The following ADGRD1 variants were observed in gnomAD, a reference collection of about 807,000 sequenced individuals.
ADGRD1 encodes the protein adhesion G protein-coupled receptor D1, also known as G-protein coupled receptor 133.
Under a neutral mutation model 113.4 loss-of-function variants are expected in ADGRD1, and 77 were observed. The ratio of observed to expected loss-of-function variants is 0.68; its 90% CI spans 0.57 to 0.82. ADGRD1 has a LOEUF of 0.82. ADGRD1 is among the 40% of genes least tolerant of loss of function. The probability of loss-of-function intolerance (pLI) is 0.00; values close to 1 mark genes in which losing one functional copy is unlikely to be tolerated. For missense variants in ADGRD1, 1,036 were observed against 1,139.1 expected (o/e 0.91, Z 1.30); for synonymous variants, 474 against 475.0 (o/e 1.00, Z 0.03).
At chr12:131,089,783 AAG>A (rs1396442811) in intron 15 of ADGRD1, among the ~76,000 whole-genome samples, 1 of 152,240 alleles carries the variant, frequency 6.6e-6, no homozygotes, top group Non-Finnish European at 1.5e-5. Context: ...CATCACAGAC[AAG>A]AGTCATAGGT....
At chr12:130,986,896 G>A in intron 5 of ADGRD1, 199 bp from the exon 6 acceptor site, 2 of 575,920 alleles carry the variant, frequency 3.5e-6, no homozygotes, top group East Asian at 5.6e-5. Flanking sequence ...AGGGCATAAG[G>A]ACAAAAAGAT....
At chr12:131,056,715 G>A (rs1883889844) in intron 13 of ADGRD1, among the ~76,000 whole-genome samples, 2 of 152,236 alleles carry the variant, frequency 1.3e-5, no homozygotes, top group South Asian at 4.1e-4. Flanking sequence ...CACCTTTGAT[G>A]TGGGTGGACC....
chr12:130,996,708 T>G, intron 8 of ADGRD1, among the ~76,000 whole-genome samples: 1 of 74,334 alleles, frequency 1.3e-5, no homozygotes, highest in African/African-American at 5.4e-5. Flanking sequence ...GGCGGGGGGC[T>G]GACCCCCCCA....
In ADGRD1 at chr12:131,003,897, A is replaced by G. The variant is rs909452341; in HGVS notation, c.1145-289A>G. Reference sequence around the variant, plus strand: ...ATCGCTGAGCACAGCCCATCCTTGCACCGGCCTTGAGAGCTGGGGGCTGTG... The same window carrying G: ...ATCGCTGAGCACAGCCCATCCTTGCGCCGGCCTTGAGAGCTGGGGGCTGTG... On this transcript the variant is annotated intron_variant, in intron 10 of 24. Transcript: ENST00000261654. This position sits in a 1 kb window ranked among gnomAD's most constrained non-coding sequence, Gnocchi z 4.8. Among the ~76,000 whole-genome samples the G allele has an allele frequency of 9.9e-5, 15 of 152,002 alleles. No individual in the cohort carries two copies. The highest frequency in any genetic ancestry group is 2.1e-4 in the South Asian group (1 of 4,808).
In ADGRD1 at chr12:131,136,221, G is replaced by T. The variant is rs140555879; in HGVS notation, c.2394+58G>T. On this transcript the variant is annotated intron_variant, in intron 22 of 24. Coordinates refer to ENST00000261654, the MANE Select transcript of ADGRD1 (RefSeq NM_198827.5). ...GCCGCCAGCCATCAGGAGCAGGCTT[G>T]CAGGGAGCTAGGGCTGCAGGGGCAG... The T allele has an allele frequency of 7.4e-4, 1,177 of 1,599,726 alleles. 8 individuals carry two copies. In the African/African-American group the frequency reaches 0.014, roughly 19 times the overall value.
At chr12:131,045,992 T>A (rs940003300) in intron 13 of ADGRD1, among the ~76,000 whole-genome samples, 5 of 141,704 alleles carry the variant, frequency 3.5e-5, no homozygotes, top group Non-Finnish European at 7.8e-5. Flanking sequence ...TGCTCCCTCC[T>A]TGCTCAGTGT....
chr12:130,974,808 TGCTCCGGACCCCC>T (rs910927019), intron 4 of ADGRD1, among the ~76,000 whole-genome samples: 15 of 127,080 alleles, frequency 1.2e-4, no homozygotes, highest in African/African-American at 3.5e-4. Flanking sequence ...GCTGTGGCCC[TGCTCCGGACCCCC>T]GCTCCCGGCC....
At position 131,096,252 on chromosome 12, in the gene ADGRD1, A is replaced by G. The variant is rs1379042841; in HGVS notation, c.1672-8579A>G. 6.6e-6 allele frequency among the ~76,000 whole-genome samples: 1 copy of G among 152,144 alleles called. No homozygotes were observed. Among genetic ancestry groups the G allele is most frequent in the African/African-American group, 2.4e-5 (1 of 41,432 alleles). ...ACTGCACCCTTTATTTTTATTTACAATTTATTTGTGTTAGAGACAAGGTTG... is the reference window on the plus strand; with the variant it reads ...ACTGCACCCTTTATTTTTATTTACAGTTTATTTGTGTTAGAGACAAGGTTG... On this transcript the variant is annotated intron_variant, in intron 15 of 24. Coordinates refer to ENST00000261654, the MANE Select transcript of ADGRD1 (RefSeq NM_198827.5). This position sits in a 1 kb window ranked among gnomAD's most constrained non-coding sequence, Gnocchi z 5.2.
chr12:131,063,537 T>C (rs997507901), intron 13 of ADGRD1, among the ~76,000 whole-genome samples: 1 of 152,224 alleles, frequency 6.6e-6, no homozygotes, highest in African/African-American at 2.4e-5. Context: ...CCTTCCTTCA[T>C]TGAATTGCTG....
chr12:131,026,869 A>G (rs888725641), intron 13 of ADGRD1: 2 of 152,146 alleles, frequency 1.3e-5, no homozygotes, highest in South Asian at 2.1e-4. Context: ...ATTCCATTAT[A>G]TGAATAGGCC....
intron 13 of ADGRD1, among the ~76,000 whole-genome samples, chr12:131,017,893 GACAC>G (rs767530775): frequency 3.5e-5 from 5 of 140,976 alleles, no homozygotes; most frequent in Non-Finnish European, 7.7e-5. Flanking sequence ...AGCCAGCACA[GACAC>G]ACACAACCAG....
chr12:131,137,190 T>A lies in ADGRD1; in HGVS notation c.2436+176T>A. The A allele has an allele frequency of 9.4e-6, 6 of 640,826 alleles. No individual in the cohort carries two copies. In the South Asian group the frequency reaches 1.1e-4, roughly 12 times the overall value. The allele number at this position is 640,826 out of a possible 1,614,324, so 39.7% of individuals were successfully genotyped here. ...CTGGGGCCTGCTGCTGAGCAGCTCTTCTCTCCCCGCCTAGTTGCTAAGCGA... is the reference window on the plus strand; with the variant it reads ...CTGGGGCCTGCTGCTGAGCAGCTCTACTCTCCCCGCCTAGTTGCTAAGCGA... On this transcript the variant is annotated intron_variant, in intron 23 of 24. Transcript: ENST00000261654.
At chr12:131,001,524 T>C (rs533791849) in intron 9 of ADGRD1, among the ~76,000 whole-genome samples, 3 of 152,256 alleles carry the variant, frequency 2.0e-5, no homozygotes, top group African/African-American at 7.2e-5. Flanking sequence ...CACTTTCCAA[T>C]GATACTAAGT....
intron 20 of ADGRD1, among the ~76,000 whole-genome samples, chr12:131,130,888 C>G (rs931851982): frequency 6.6e-6 from 1 of 152,170 alleles, no homozygotes; most frequent in Non-Finnish European, 1.5e-5. Flanking sequence ...GTGAGGCCGG[C>G]GAGGTAGAGC....
chr12:131,042,515 T>C (rs888044017), intron 13 of ADGRD1, among the ~76,000 whole-genome samples: 10 of 152,246 alleles, frequency 6.6e-5, no homozygotes, highest in African/African-American at 2.2e-4. Context: ...CAGACACCGC[T>C]CCTGACTTCA....
chr12:131,000,761 A>G (rs554037439), intron 9 of ADGRD1, among the ~76,000 whole-genome samples: 1 of 151,660 alleles, frequency 6.6e-6, no homozygotes, highest in South Asian at 2.1e-4. Flanking sequence ...AAAAAAAAAA[A>G]AAAAGAGAGA....
chr12:131,006,044 C>T lies in ADGRD1; in HGVS notation c.1328C>T (p.Thr443Ile), dbSNP rs551861945. 1.2e-6 allele frequency: 2 copies of T among 1,612,646 alleles called. No individual in the cohort carries two copies. The highest frequency in any genetic ancestry group is 2.7e-5 in the African/African-American group (2 of 75,046). The part of the protein sequence containing the change: ...YYLNNIWPAH[T>I]KIAEAMHHQD... ...CTGAACAACATCTGGCCCGCCCACACCAAGTGAGTCTCGGGGGTGCTCAGC... is the reference window on the plus strand; with the variant it reads ...CTGAACAACATCTGGCCCGCCCACATCAAGTGAGTCTCGGGGGTGCTCAGC... The change falls in exon 12 of 25, where the codon ACC becomes ATC. Residue 443 changes from threonine to isoleucine, a missense_variant. By Grantham distance (89) the Thr-to-Ile change is moderately conservative. Transcript: ENST00000261654.
At chr12:130,977,986 T>C (rs1268782832) in intron 4 of ADGRD1, 2 of 152,514 alleles carry the variant, frequency 1.3e-5, no homozygotes, top group Non-Finnish European at 2.9e-5. Flanking sequence ...AAATCCTGAC[T>C]CGTCCCAGAC....
chr12:131,005,870 G>T, intron 11 of ADGRD1, 102 bp from the exon 12 acceptor site: 1 of 893,046 alleles, frequency 1.1e-6, no homozygotes, highest in South Asian at 1.4e-5. Context: ...GGGTTCTTAG[G>T]AGTGAGGGGC....
Sources: allele counts gnomAD v4.1 joint callset (sites outside exome capture counted in the v4.1 genomes callset), GRCh38; gene constraint gnomAD v4.1.1; non-coding constraint Gnocchi (gnomAD v3.1); transcripts MANE v1.5; gene names NCBI Gene and HGNC (gene_info 2026-07-23, HGNC 2026-07-21).